The following LYPLA1 variants were observed in gnomAD, a reference collection of about 807,000 sequenced individuals.
The protein encoded by LYPLA1 is acyl-protein thioesterase 1.
Under a neutral mutation model 34.0 loss-of-function variants are expected in LYPLA1, and 17 were observed. The ratio of observed to expected loss-of-function variants is 0.50; its 90% CI spans 0.34 to 0.75. The LOEUF (loss-of-function observed/expected upper bound fraction) is 0.75, where lower values mean the gene tolerates loss of function less well. Ranked by LOEUF, LYPLA1 falls within the 30% of genes least tolerant of loss-of-function variation. The probability of loss-of-function intolerance (pLI) is 0.01; values close to 1 mark genes in which losing one functional copy is unlikely to be tolerated. For synonymous variants in LYPLA1, 98 were observed against 100.8 expected, an observed-to-expected ratio of 0.97 and a Z score of 0.17; for missense variants, 203 against 288.8, an observed-to-expected ratio of 0.70 and a Z score of 2.15.
intron 2 of LYPLA1, among the ~76,000 whole-genome samples, chr8:54,072,269 C>T (rs1807530409): frequency 6.6e-6 from 1 of 152,092 alleles, no homozygotes; most frequent in Non-Finnish European, 1.5e-5. Context: ...TGTAAAACCC[C>T]TAACTATAAA....
At chr8:54,060,865 T>C (rs935793155) in intron 5 of LYPLA1, among the ~76,000 whole-genome samples, 5 of 151,312 alleles carry the variant, frequency 3.3e-5, no homozygotes, top group Non-Finnish European at 7.4e-5. Context: ...GCTAATTTTT[T>C]TGTATTTTTA....
chr8:54,096,154 A>G (rs1253521914), intron 2 of LYPLA1, among the ~76,000 whole-genome samples: 1 of 152,250 alleles, frequency 6.6e-6, no homozygotes, highest in Non-Finnish European at 1.5e-5. Context: ...ATTCTTTAAT[A>G]GTTCAGAAAT....
At chr8:54,099,897 T>C (rs2129376148) in intron 2 of LYPLA1, among the ~76,000 whole-genome samples, 1 of 152,168 alleles carries the variant, frequency 6.6e-6, no homozygotes, top group East Asian at 1.9e-4. Context: ...TTGGCCAAGC[T>C]GGTGTCGAAC....
intron 5 of LYPLA1, among the ~76,000 whole-genome samples, chr8:54,056,434 T>C (rs545523560): frequency 3.4e-4 from 51 of 151,938 alleles, no homozygotes; most frequent in Middle Eastern, 3.4e-3. Flanking sequence ...AAAGCAAAAA[T>C]GGACAAATGG....
intron 2 of LYPLA1, chr8:54,073,311 T>C (rs185876245): frequency 6.9e-6 from 6 of 866,610 alleles, no homozygotes; most frequent in African/African-American, 4.9e-5. Flanking sequence ...TCTCCTTCTA[T>C]GGACGGAACT....
Position 54,080,992 on chromosome 8 carries a change from T to A in LYPLA1, c.102-15179A>T, listed in dbSNP as rs569163565. On this transcript the variant is annotated intron_variant, in intron 2 of 8. Transcript: ENST00000316963. ...TCTATACCACTGGCTTTTTGAGTAC[T>A]TACAATCTTTTGTATGTATTAGACA... Among the ~76,000 whole-genome samples the A allele has an allele frequency of 3.9e-5, 6 of 152,376 alleles. No homozygotes were observed. The East Asian group carries it at 1.2e-3, about 29-fold the overall frequency.
At chr8:54,101,546 T>C (rs1012577443) in intron 1 of LYPLA1, 11 of 1,145,850 alleles carry the variant, frequency 9.6e-6, no homozygotes, top group Middle Eastern at 3.6e-4. Context: ...AGGGAGGAGC[T>C]GGGGACTGGC....
At position 54,059,398 on chromosome 8, in the gene LYPLA1, G is replaced by A. The variant is rs1002297379; in HGVS notation, c.286+2856C>T. Among the ~76,000 whole-genome samples, 12 of 79,160 alleles carry A rather than the reference G, an allele frequency of 1.5e-4. 4 individuals carry two copies. The highest frequency in any genetic ancestry group is 8.7e-4 in the Admixed American group (6 of 6,934). 51.9% of individuals were successfully genotyped at this position (79,160 alleles called of 152,430 possible). Reference sequence around the variant, plus strand: ...CGGCTCACTGCAAGCTCCGCTTCCCGGGTTCACGCCATTCTCCTGCCTCAG... The same window carrying A: ...CGGCTCACTGCAAGCTCCGCTTCCCAGGTTCACGCCATTCTCCTGCCTCAG... On this transcript the variant is annotated intron_variant, in intron 5 of 8. Transcript: ENST00000316963.
chr8:54,096,922 CAAATAAAT>C (rs965897691), intron 2 of LYPLA1, among the ~76,000 whole-genome samples: 1 of 151,216 alleles, frequency 6.6e-6, no homozygotes, highest in African/African-American at 2.4e-5. Context: ...AAAAAATAAA[CAAATAAAT>C]AAATAAATAG....
chr8:54,052,764 G>GA lies in LYPLA1; in HGVS notation c.361-9dup. On this transcript the variant is annotated splice_polypyrimidine_tract_variant and intron_variant, in intron 6 of 8. Coordinates refer to ENST00000316963, the MANE Select transcript of LYPLA1 (RefSeq NM_006330.4). ...TAAAGATAAAGCTCCTCCCTGAAAAGACAAGCAGGGAAAGTCAATGGAACA... is the reference window on the plus strand; with the variant it reads ...TAAAGATAAAGCTCCTCCCTGAAAAGAACAAGCAGGGAAAGTCAATGGAACA... 6.4e-7 allele frequency: 1 copy of GA among 1,568,164 alleles called. No individual in the cohort carries two copies. The highest frequency in any genetic ancestry group is 8.8e-7 in the Non-Finnish European group (1 of 1,139,114).
intron 2 of LYPLA1, among the ~76,000 whole-genome samples, chr8:54,067,198 T>G (rs1807127237): frequency 6.6e-6 from 1 of 151,906 alleles, no homozygotes; most frequent in Non-Finnish European, 1.5e-5. Flanking sequence ...GTAAATAAAA[T>G]AAAAACAGCA....
At chr8:54,068,059 A>G (rs1807205933) in intron 2 of LYPLA1, among the ~76,000 whole-genome samples, 1 of 152,164 alleles carries the variant, frequency 6.6e-6, no homozygotes. Context: ...AAGACATATA[A>G]AAAGATTAGT....
rs563075445 is a variant in LYPLA1, at chr8:54,071,780, G to T, written c.102-5967C>A. Among the ~76,000 whole-genome samples, 5 of 152,270 alleles carry T rather than the reference G, an allele frequency of 3.3e-5. No homozygotes were observed. The South Asian group carries it at 1.0e-3, about 32-fold the overall frequency. On this transcript the variant is annotated intron_variant, in intron 2 of 8. Transcript: ENST00000316963. ...TGCATTCCATGCTCATGGATAGGAA[G>T]AATCAATACTGTTAAATGGCCATAC... is the stretch of plus-strand genomic sequence containing the variant.
At chr8:54,049,330 T>G (rs932677037) in intron 8 of LYPLA1, among the ~76,000 whole-genome samples, 2 of 152,236 alleles carry the variant, frequency 1.3e-5, no homozygotes, top group Admixed American at 6.5e-5. Flanking sequence ...TCTACTTGAC[T>G]GAAAAGATAA....
chr8:54,050,187 G>C (rs190554631), intron 8 of LYPLA1, among the ~76,000 whole-genome samples: 1 of 152,194 alleles, frequency 6.6e-6, no homozygotes, highest in African/African-American at 2.4e-5. Context: ...ATATTGTGGG[G>C]GCACATTGAT....
At chr8:54,101,254 T>C in intron 1 of LYPLA1, 1 of 725,696 alleles carries the variant, frequency 1.4e-6, no homozygotes, top group Non-Finnish European at 1.8e-6. Flanking sequence ...ATCTCACATA[T>C]CCTGTAGAAT....
At chr8:54,067,671 CAA>C (rs1242478779) in intron 2 of LYPLA1, among the ~76,000 whole-genome samples, 1 of 150,940 alleles carries the variant, frequency 6.6e-6, no homozygotes, top group Non-Finnish European at 1.5e-5. Flanking sequence ...TTTCTTACAT[CAA>C]AGAGTCTTGA....
chr8:54,071,542 G>A (rs553109480), intron 2 of LYPLA1, among the ~76,000 whole-genome samples: 20 of 152,222 alleles, frequency 1.3e-4, no homozygotes, highest in South Asian at 2.1e-4. Flanking sequence ...TGGAACACAC[G>A]CAGTAAAAGA....
At chr8:54,094,328 T>C (rs1237560846) in intron 2 of LYPLA1, among the ~76,000 whole-genome samples, 1 of 151,948 alleles carries the variant, frequency 6.6e-6, no homozygotes, top group Non-Finnish European at 1.5e-5. Context: ...AGCTTTCAGG[T>C]GTGATATTCA....
Sources: gnomAD v4.1 joint callset for allele counts (sites outside exome capture counted in the v4.1 genomes callset) on GRCh38, gnomAD v4.1.1 for gene constraint, MANE v1.5 for transcripts, NCBI Gene and HGNC (gene_info 2026-07-23, HGNC 2026-07-21) for gene names.